NELL2: variants seen among roughly 807,000 people sequenced by gnomAD.
NELL2 encodes neural EGFL like 2, also known as protein kinase C-binding protein NELL2.
Under a neutral mutation model 109.6 loss-of-function variants are expected in NELL2, and 41 were observed. That is an observed-to-expected ratio of 0.37 (90% CI 0.29 to 0.49). The LOEUF (loss-of-function observed/expected upper bound fraction) is 0.49. Ranked by LOEUF, NELL2 falls within the 20% of genes least tolerant of loss-of-function variation. The probability of loss-of-function intolerance (pLI) is 0.98; values close to 1 mark genes in which losing one functional copy is unlikely to be tolerated. For missense variants in NELL2, 900 were observed against 1,008.3 expected (o/e 0.89, Z 1.45); for synonymous variants, 355 against 344.7 (o/e 1.03, Z -0.33).
intron 2 of NELL2, among the ~76,000 whole-genome samples, chr12:44,822,940 CA>C (rs775370085): frequency 1.3e-5 from 2 of 151,770 alleles, no homozygotes; most frequent in Admixed American, 6.6e-5. Flanking sequence ...CAAAGAAAGG[CA>C]GGGGGAGGAG....
At chr12:44,741,156 G>C (rs1939936284) in intron 9 of NELL2, among the ~76,000 whole-genome samples, 1 of 152,106 alleles carries the variant, frequency 6.6e-6, no homozygotes, top group Non-Finnish European at 1.5e-5. Context: ...TGAGAAAGGA[G>C]ACCTTTATGA....
intron 1 of NELL2, 185 bp from the exon 2 acceptor site, chr12:44,875,538 A>G: frequency 1.2e-6 from 2 of 1,613,788 alleles, no homozygotes; most frequent in South Asian, 2.2e-5. Context: ...TAAATAGCGG[A>G]GCACCCAGTC....
intron 9 of NELL2, among the ~76,000 whole-genome samples, chr12:44,741,738 T>A (rs1161962195): frequency 1.3e-5 from 2 of 152,050 alleles, no homozygotes; most frequent in African/African-American, 4.8e-5. Context: ...AACTGCAAGG[T>A]GGCAGCGAGG....
At position 44,834,268 on chromosome 12, in the gene NELL2, T is replaced by C. The variant is rs146802210; in HGVS notation, c.185-18132A>G. Among the ~76,000 whole-genome samples the C allele has an allele frequency of 2.6e-3, 390 of 152,256 alleles. 3 individuals carry two copies. The highest frequency in any genetic ancestry group is 8.8e-3 in the African/African-American group (367 of 41,564). ...TGTACAATCTCATTCACTAAACACA[T>C]ACTCTAATTTTGTTTTTCTCACAAT... On this transcript the variant is annotated intron_variant, in intron 2 of 19. Coordinates refer to ENST00000429094, the MANE Select transcript of NELL2 (RefSeq NM_001145108.2).
intron 12 of NELL2, among the ~76,000 whole-genome samples, chr12:44,688,515 A>T (rs1839176568): frequency 6.6e-6 from 1 of 152,222 alleles, no homozygotes; most frequent in South Asian, 2.1e-4. Flanking sequence ...CTCATAAGAA[A>T]AATGTCCCCC....
At chr12:44,806,363 T>C (rs557694235) in intron 3 of NELL2, among the ~76,000 whole-genome samples, 3 of 151,856 alleles carry the variant, frequency 2.0e-5, no homozygotes, top group Admixed American at 6.6e-5. Context: ...AGTAGTTAAG[T>C]AGGCACTCTG....
intron 15 of NELL2, among the ~76,000 whole-genome samples, chr12:44,578,695 A>T (rs1364040822): frequency 6.6e-6 from 1 of 151,964 alleles, no homozygotes; most frequent in South Asian, 2.1e-4. Flanking sequence ...ACTGGGCAAG[A>T]GATCCACCCA....
chr12:44,840,623 G>A lies in NELL2; in HGVS notation c.185-24487C>T, dbSNP rs1477128406. ...TGCACTCCAGCCTGGGCGACAGAGC[G>A]AGACTCCGTCTCAAAAAAAAAAAAA... is the stretch of plus-strand genomic sequence containing the variant. On this transcript the variant is annotated intron_variant, in intron 2 of 19. Coordinates refer to ENST00000429094, the MANE Select transcript of NELL2 (RefSeq NM_001145108.2). 4.6e-5 allele frequency among the ~76,000 whole-genome samples: 7 copies of A among 150,628 alleles called. 1 individual carries two copies. Among genetic ancestry groups the A allele is most frequent in the Admixed American group, 1.3e-4 (2 of 15,158 alleles).
intron 9 of NELL2, among the ~76,000 whole-genome samples, chr12:44,755,538 C>T (rs190601872): frequency 6.6e-6 from 1 of 152,052 alleles, no homozygotes; most frequent in South Asian, 2.1e-4. Flanking sequence ...CCTTGGCTCT[C>T]CCCTCACCTC....
intron 2 of NELL2, among the ~76,000 whole-genome samples, chr12:44,867,771 A>C (rs1945043852): frequency 6.6e-6 from 1 of 152,172 alleles, no homozygotes; most frequent in African/African-American, 2.4e-5. Flanking sequence ...AAATGATTTC[A>C]GTAGAGTTTC....
chr12:44,802,267 T>C (rs1352660799), intron 3 of NELL2, among the ~76,000 whole-genome samples: 2 of 152,118 alleles, frequency 1.3e-5, no homozygotes, highest in Non-Finnish European at 2.9e-5. Flanking sequence ...TGAGGTTTAT[T>C]TTTAAATGAA....
Position 44,848,591 on chromosome 12 carries a change from G to T in NELL2, c.184+26634C>A, listed in dbSNP as rs1944443190. Among the ~76,000 whole-genome samples, 5 of 151,902 alleles carry T rather than the reference G, an allele frequency of 3.3e-5. No homozygotes were observed. In the South Asian group the frequency reaches 1.0e-3, roughly 32 times the overall value. The stretch of plus-strand genomic sequence containing the variant: ...GAAGCCAGAGAATACTCCTCCCAAA[G>T]ATCTCAAGTCTTTGTTTTAGTTATG... On this transcript the variant is annotated intron_variant, in intron 2 of 19. Coordinates refer to ENST00000429094, the MANE Select transcript of NELL2 (RefSeq NM_001145108.2).
intron 12 of NELL2, among the ~76,000 whole-genome samples, chr12:44,681,809 G>T (rs1398234595): frequency 6.6e-6 from 1 of 151,922 alleles, no homozygotes; most frequent in East Asian, 1.9e-4. Flanking sequence ...TCTTAATCCA[G>T]TCTATCATTG....
chr12:44,524,870 A>G (rs745757162), intron 16 of NELL2, among the ~76,000 whole-genome samples: 1 of 152,148 alleles, frequency 6.6e-6, no homozygotes, highest in Non-Finnish European at 1.5e-5. Flanking sequence ...ATTAAGTACT[A>G]TGGTTAATGT....
chr12:44,871,038 T>C (rs1238649930), intron 2 of NELL2, among the ~76,000 whole-genome samples: 1 of 152,172 alleles, frequency 6.6e-6, no homozygotes, highest in Non-Finnish European at 1.5e-5. Context: ...ATGCCCTATG[T>C]TTCTACTTCT....
intron 1 of NELL2, among the ~76,000 whole-genome samples, chr12:44,901,661 T>C (rs1945662104): frequency 6.6e-6 from 1 of 152,152 alleles, no homozygotes; most frequent in African/African-American, 2.4e-5. Flanking sequence ...AATAAAATAC[T>C]GGCAAACTGA....
chr12:44,643,985 T>C (rs566896891), intron 13 of NELL2, among the ~76,000 whole-genome samples: 40 of 152,174 alleles, frequency 2.6e-4, no homozygotes, highest in Non-Finnish European at 4.0e-4. Flanking sequence ...TCTAATCAGA[T>C]AGATGTTTGA....
intron 19 of NELL2, among the ~76,000 whole-genome samples, chr12:44,509,336 T>C (rs983698416): frequency 6.6e-5 from 10 of 152,192 alleles, no homozygotes; most frequent in Non-Finnish European, 1.5e-5. Flanking sequence ...TTGCAGTTTA[T>C]CTAGGGAGAA....
chr12:44,816,057 A>T lies in NELL2; in HGVS notation c.264T>A (p.Thr88=). 1 of 1,613,876 alleles carries T rather than the reference A, an allele frequency of 6.2e-7. No individual in the cohort carries two copies. Among genetic ancestry groups the T allele is most frequent in the Non-Finnish European group, 8.5e-7 (1 of 1,179,938 alleles). The change falls in exon 3 of 20, where the codon ACT becomes ACA. Residue 88 remains threonine (T), a synonymous_variant. Coordinates refer to ENST00000429094, the MANE Select transcript of NELL2 (RefSeq NM_001145108.2). ...GGGTCTGTTTTAGGGTCACCAAAATAGTAAATTCATGTTTATTTCTCAGCT... is the reference window on the plus strand; with the variant it reads ...GGGTCTGTTTTAGGGTCACCAAAATTGTAAATTCATGTTTATTTCTCAGCT... ...FQKLRNKHEF[T]ILVTLKQTHL...
Sources: allele counts gnomAD v4.1 joint callset (sites outside exome capture counted in the v4.1 genomes callset), GRCh38; gene constraint gnomAD v4.1.1; transcripts MANE v1.5; gene names NCBI Gene and HGNC (gene_info 2026-07-23, HGNC 2026-07-21).